FSTL4: variants seen among roughly 807,000 people sequenced by gnomAD.
FSTL4 encodes follistatin like 4.
Under a neutral mutation model 78.2 loss-of-function variants are expected in FSTL4, and 28 were observed. The observed-to-expected ratio is 0.36, with a 90% CI of 0.27 to 0.49. The LOEUF (loss-of-function observed/expected upper bound fraction) is 0.49. Ranked by LOEUF, FSTL4 falls within the 20% of genes least tolerant of loss-of-function variation. FSTL4 has a pLI of 0.98. For missense variants in FSTL4, 922 were observed against 1,084.9 expected (o/e 0.85, Z 2.11); for synonymous variants, 422 against 440.5 (o/e 0.96, Z 0.53).
At chr5:133,840,522 C>A in the FSTL4 span, among the ~76,000 whole-genome samples, 3 of 152,358 alleles carry the variant, frequency 2.0e-5, no homozygotes, top group South Asian at 6.2e-4. Context: ...CTGGTCTCTG[C>A]ACAATTAACC....
the FSTL4 span, among the ~76,000 whole-genome samples, chr5:133,777,180 C>T: frequency 2.1e-3 from 327 of 152,098 alleles, 7 homozygotes; most frequent in Admixed American, 0.017. Flanking sequence ...AATAGTTAAA[C>T]ATTCACAATG....
chr5:133,829,424 T>C, the FSTL4 span, among the ~76,000 whole-genome samples: 5 of 152,110 alleles, frequency 3.3e-5, no homozygotes, highest in East Asian at 9.7e-4. Context: ...AAACATTTCA[T>C]GGTTGTTTGT....
intron 6 of FSTL4, among the ~76,000 whole-genome samples, chr5:133,254,363 T>C (rs1157129546): frequency 6.6e-6 from 1 of 152,236 alleles, no homozygotes; most frequent in Non-Finnish European, 1.5e-5. Flanking sequence ...ATTGGCCACA[T>C]ACAGCTCCTG....
intron 6 of FSTL4, among the ~76,000 whole-genome samples, chr5:133,311,108 T>C (rs1189618619): frequency 6.6e-6 from 1 of 152,196 alleles, no homozygotes; most frequent in Non-Finnish European, 1.5e-5. Flanking sequence ...CGTGGCCAAT[T>C]TAAAGCGACC....
At chr5:133,689,664 T>C in the FSTL4 span, among the ~76,000 whole-genome samples, 2 of 152,324 alleles carry the variant, frequency 1.3e-5, no homozygotes, top group East Asian at 3.9e-4. Context: ...CCTGTCCTTT[T>C]GACCCTGCCC....
At chr5:133,475,582 C>T (rs193611) in intron 3 of FSTL4, among the ~76,000 whole-genome samples, 31,309 of 152,136 alleles carry the variant, frequency 0.21, 4,594 homozygotes, top group African/African-American at 0.42. Flanking sequence ...ATATTTAGCA[C>T]TTAACTCGTT....
chr5:133,669,399 A>G, the FSTL4 span, among the ~76,000 whole-genome samples: 6 of 152,350 alleles, frequency 3.9e-5, no homozygotes, highest in South Asian at 2.1e-4. Context: ...AGCCTGACCA[A>G]AAGTGCTCAG....
intron 4 of FSTL4, among the ~76,000 whole-genome samples, chr5:133,332,197 T>A (rs1016491793): frequency 2.0e-5 from 3 of 152,180 alleles, no homozygotes; most frequent in Non-Finnish European, 2.9e-5. Context: ...CCATAATGCA[T>A]CTGCACTGCT....
chr5:133,826,849 A>G, the FSTL4 span, among the ~76,000 whole-genome samples: 1,210 of 152,328 alleles, frequency 7.9e-3, 20 homozygotes, highest in African/African-American at 0.028. Context: ...CTGGGTTTGA[A>G]TCCCACCACT....
chr5:133,401,017 T>C lies in FSTL4; in HGVS notation c.161-31A>G, dbSNP rs1443396519. The C allele has an allele frequency of 3.1e-6, 5 of 1,610,820 alleles. No individual in the cohort carries two copies. In the African/African-American group the frequency reaches 6.7e-5, roughly 22 times the overall value. On this transcript the variant is annotated intron_variant, in intron 3 of 15. Coordinates refer to ENST00000265342, the MANE Select transcript of FSTL4 (RefSeq NM_015082.2). The stretch of plus-strand genomic sequence containing the variant: ...AGACACACAAACACAGAGGGTCAGC[T>C]GTAAACACTCAGAGGGTCTGGGGTC...
At chr5:133,704,436 AG>A in the FSTL4 span, among the ~76,000 whole-genome samples, 1 of 152,196 alleles carries the variant, frequency 6.6e-6, no homozygotes, top group Non-Finnish European at 1.5e-5. Flanking sequence ...CAGTGACCCA[AG>A]GGTTCAGGCC....
chr5:133,571,823 A>C (rs1760161764), intron 2 of FSTL4, among the ~76,000 whole-genome samples: 1 of 152,214 alleles, frequency 6.6e-6, no homozygotes. Context: ...AAGCTAGATC[A>C]GTAAAAATTA....
intron 3 of FSTL4, among the ~76,000 whole-genome samples, chr5:133,432,910 T>G (rs1011505346): frequency 6.6e-6 from 1 of 152,238 alleles, no homozygotes; most frequent in Non-Finnish European, 1.5e-5. Context: ...TGGCAATTTT[T>G]CATATGCTTC....
At chr5:133,834,851 A>G in the FSTL4 span, among the ~76,000 whole-genome samples, 11 of 151,980 alleles carry the variant, frequency 7.2e-5, no homozygotes, top group Admixed American at 7.2e-4. Context: ...AAGACTGAAA[A>G]TATCTTTATG....
intron 3 of FSTL4, among the ~76,000 whole-genome samples, chr5:133,464,850 G>A (rs1249138931): frequency 6.6e-6 from 1 of 152,206 alleles, no homozygotes; most frequent in African/African-American, 2.4e-5. Context: ...GACTCAACTA[G>A]TAATTTAAGT....
At chr5:133,396,160 G>C (rs1244458182) in intron 4 of FSTL4, among the ~76,000 whole-genome samples, 4 of 152,186 alleles carry the variant, frequency 2.6e-5, no homozygotes. Context: ...AAATGGGCAA[G>C]GGTCTTACAG....
intron 6 of FSTL4, among the ~76,000 whole-genome samples, chr5:133,260,021 C>T (rs777990724): frequency 6.6e-6 from 1 of 152,166 alleles, no homozygotes; most frequent in Non-Finnish European, 1.5e-5. Context: ...TGGCCTCCTC[C>T]AGTGAAAGAG....
At chr5:133,285,018 A>G (rs1425794605) in intron 6 of FSTL4, among the ~76,000 whole-genome samples, 2 of 152,194 alleles carry the variant, frequency 1.3e-5, no homozygotes, top group East Asian at 3.9e-4. Context: ...GCTCTGGAGT[A>G]AGTGGGCACA....
chr5:133,407,359 T>A (rs1230259856), intron 3 of FSTL4, among the ~76,000 whole-genome samples: 2 of 152,236 alleles, frequency 1.3e-5, no homozygotes, highest in African/African-American at 4.8e-5. Flanking sequence ...GCTGGGCAGA[T>A]GTGATGTATT....
Sources: allele counts gnomAD v4.1 joint callset (sites outside exome capture counted in the v4.1 genomes callset), GRCh38; gene constraint gnomAD v4.1.1; transcripts MANE v1.5; gene names NCBI Gene and HGNC (gene_info 2026-07-23, HGNC 2026-07-21).